The following P2RX3 variants were observed in gnomAD, a reference collection of about 807,000 sequenced individuals.
P2RX3 encodes the protein P2X purinoceptor 3.
In P2RX3, 41 loss-of-function variants were observed where a neutral mutation model predicts 51.5. The ratio of observed to expected loss-of-function variants is 0.80; its 90% confidence interval spans 0.62 to 1.03. The LOEUF is 1.03. P2RX3 is among the 50% of genes least tolerant of loss of function. P2RX3 has a pLI of 0.00. For synonymous variants in P2RX3, 185 were observed against 191.6 expected, an observed-to-expected ratio of 0.97 and a Z score of 0.29; for missense variants, 459 against 522.1, an observed-to-expected ratio of 0.88 and a Z score of 1.18.
chr11:57,360,199 C>T (rs577612856), intron 8 of P2RX3, among the ~76,000 whole-genome samples: 88 of 152,184 alleles, frequency 5.8e-4, no homozygotes, highest in Non-Finnish European at 1.1e-3. Flanking sequence ...TACTCTTTCC[C>T]GCATTGCCCC....
intron 2 of P2RX3, among the ~76,000 whole-genome samples, 200 bp from the exon 3 acceptor site, chr11:57,346,916 G>GACAACAC: frequency 6.6e-6 from 1 of 152,204 alleles, no homozygotes. Context: ...TGCAATCAAG[G>GACAACAC]ACAACACACA....
intron 8 of P2RX3, among the ~76,000 whole-genome samples, chr11:57,361,240 C>T (rs1432085777): frequency 6.6e-6 from 1 of 152,058 alleles, no homozygotes. Flanking sequence ...CTCTGGCCTT[C>T]TTGCCCTTTT....
At chr11:57,364,210 C>A (rs1856763787) in intron 8 of P2RX3, among the ~76,000 whole-genome samples, 2 of 152,216 alleles carry the variant, frequency 1.3e-5, no homozygotes, top group African/African-American at 4.8e-5. Context: ...GCATGAGGAA[C>A]CACATCTCTG....
upstream of P2RX3, among the ~76,000 whole-genome samples, chr11:57,337,635 C>T (rs1856259305): frequency 6.6e-6 from 1 of 152,106 alleles, no homozygotes; most frequent in African/African-American, 2.4e-5. Context: ...CACTTGGACA[C>T]AGGGTGGGGA....
At chr11:57,360,583 AG>A in intron 8 of P2RX3, among the ~76,000 whole-genome samples, 1 of 151,864 alleles carries the variant, frequency 6.6e-6, no homozygotes, top group South Asian at 2.1e-4. Flanking sequence ...TCACAAGGTC[AG>A]GATGGAGACC....
chr11:57,347,401 C>T lies in P2RX3; in HGVS notation c.328-14C>T, dbSNP rs1489109911. The T allele has an allele frequency of 6.4e-7, 1 of 1,556,874 alleles. No individual in the cohort carries two copies. Among genetic ancestry groups the T allele is most frequent in the Non-Finnish European group, 8.7e-7 (1 of 1,149,664 alleles). On this transcript the variant is annotated splice_polypyrimidine_tract_variant and intron_variant, in intron 3 of 11. Coordinates refer to ENST00000263314, the MANE Select transcript of P2RX3 (RefSeq NM_002559.5). ...ACAGTGTCCTTCACCAACCTGTGAC[C>T]CGTCTGCCCACAGAGTGAGGAGAAA...
chr11:57,345,498 G>A (rs947778661), intron 1 of P2RX3, among the ~76,000 whole-genome samples: 5 of 152,170 alleles, frequency 3.3e-5, no homozygotes, highest in African/African-American at 4.8e-5. Flanking sequence ...CTCATCTGTC[G>A]AATGGGAATG....
chr11:57,342,890 G>A (rs1012093765), intron 1 of P2RX3, among the ~76,000 whole-genome samples: 3 of 152,164 alleles, frequency 2.0e-5, no homozygotes, highest in African/African-American at 4.8e-5. Context: ...CCCTGGGGGC[G>A]GATGGGAGGG....
At chr11:57,358,114 C>T (rs1315314023) in intron 8 of P2RX3, among the ~76,000 whole-genome samples, 1 of 137,744 alleles carries the variant, frequency 7.3e-6, no homozygotes, top group South Asian at 2.3e-4. Flanking sequence ...GATAAAAAAA[C>T]CCTTCTCCAT....
chr11:57,355,024 A>G (rs910072386), intron 8 of P2RX3, among the ~76,000 whole-genome samples: 5 of 152,240 alleles, frequency 3.3e-5, no homozygotes, highest in East Asian at 1.9e-4. Flanking sequence ...AGCAGAGGAC[A>G]GCCTGACATG....
intron 8 of P2RX3, among the ~76,000 whole-genome samples, chr11:57,364,001 G>C (rs1856759878): frequency 6.6e-6 from 1 of 152,222 alleles, no homozygotes; most frequent in Non-Finnish European, 1.5e-5. Context: ...TCCTTCCCAG[G>C]ATAAATTTAG....
intron 7 of P2RX3, chr11:57,350,213 A>G: frequency 2.7e-6 from 1 of 368,896 alleles, no homozygotes; most frequent in African/African-American, 2.0e-5. Context: ...ACCTGTGGCC[A>G]CTTTCTCCTG....
upstream of P2RX3, among the ~76,000 whole-genome samples, chr11:57,336,157 C>T (rs568994931): frequency 6.6e-6 from 1 of 152,224 alleles, no homozygotes; most frequent in East Asian, 1.9e-4. Flanking sequence ...TGGAATGATG[C>T]GTGCCCGTTT....
At chr11:57,349,725 C>G in intron 6 of P2RX3, 32 bp from the exon 7 acceptor site, 1 of 1,613,786 alleles carries the variant, frequency 6.2e-7, no homozygotes, top group Admixed American at 1.7e-5. Flanking sequence ...CCCATGAACC[C>G]TGGGCTGACC....
chr11:57,361,857 C>T (rs1329129587), intron 8 of P2RX3, among the ~76,000 whole-genome samples: 4 of 152,208 alleles, frequency 2.6e-5, no homozygotes, highest in Non-Finnish European at 5.9e-5. Flanking sequence ...GTCACTTTCA[C>T]ATGAAGCCTT....
chr11:57,342,869 C>T (rs999674651), intron 1 of P2RX3, among the ~76,000 whole-genome samples: 2 of 152,166 alleles, frequency 1.3e-5, no homozygotes, highest in African/African-American at 2.4e-5. Flanking sequence ...TCCCCAGCCT[C>T]CTCCTTGGCT....
At position 57,348,627 on chromosome 11, in the gene P2RX3, G is replaced by T; in HGVS notation, c.486G>T (p.Thr162=). 5 of 1,613,342 alleles carry T rather than the reference G, an allele frequency of 3.1e-6. No individual in the cohort carries two copies. Among genetic ancestry groups the T allele is most frequent in the Non-Finnish European group, 4.2e-6 (5 of 1,179,444 alleles). Residue 162 remains threonine (T), a splice_region_variant and synonymous_variant, in exon 6 of 12, where the codon ACG becomes ACT. Transcript: ENST00000263314. ...WCPTEVDTVE[T]PIMMEAENFT... The stretch of plus-strand genomic sequence containing the variant: ...TAAGGCCTCCTGTGCTCACCCACAG[G>T]CCCATCATGATGGAAGCTGAGAACT...
At chr11:57,368,198 C>T in intron 9 of P2RX3, 96 bp downstream of exon 9, 1 of 1,393,908 alleles carries the variant, frequency 7.2e-7, no homozygotes, top group Non-Finnish European at 1.0e-6. Context: ...CAGGGGTCTG[C>T]TGCTGGCCAG....
chr11:57,368,221 C>A, intron 9 of P2RX3, 119 bp downstream of exon 9: 1 of 1,289,334 alleles, frequency 7.8e-7, no homozygotes, highest in South Asian at 1.2e-5. Context: ...TTGACACCCT[C>A]AGTGGGTCAC....
Sources: gnomAD v4.1 joint callset for allele counts (sites outside exome capture counted in the v4.1 genomes callset) on GRCh38, gnomAD v4.1.1 for gene constraint, MANE v1.5 for transcripts, NCBI Gene and HGNC (gene_info 2026-07-23, HGNC 2026-07-21) for gene names.